The following PRAG1 variants were observed in gnomAD, a reference collection of about 807,000 sequenced individuals.
PRAG1 encodes PEAK1 related, kinase-activating pseudokinase 1, also known as inactive tyrosine-protein kinase PRAG1.
A neutral mutation model predicts 95.6 loss-of-function variants in PRAG1; 110 were observed. The observed-to-expected ratio is 1.15, with a 90% CI of 0.99 to 1.35. The LOEUF is 1.35. Ranked by LOEUF, PRAG1 falls within the 40% of genes most tolerant of loss-of-function variation. The probability of loss-of-function intolerance (pLI) is 0.00; values close to 1 mark genes in which losing one functional copy is unlikely to be tolerated. For synonymous variants in PRAG1, 1,052 were observed against 819.4 expected (o/e 1.28, Z -4.85); for missense variants, 2,554 against 1,864.7 (o/e 1.37, Z -6.81).
At chr8:8,322,510 C>A (rs961880839) in intron 5 of PRAG1, among the ~76,000 whole-genome samples, 2 of 151,954 alleles carry the variant, frequency 1.3e-5, no homozygotes, top group African/African-American at 2.4e-5. Flanking sequence ...TGAAATGGAC[C>A]CCTCCTCTCA....
intron 5 of PRAG1, among the ~76,000 whole-genome samples, chr8:8,325,128 C>T (rs1798593056): frequency 1.3e-5 from 2 of 152,342 alleles, no homozygotes; most frequent in South Asian, 4.1e-4. Context: ...AGACCCACTC[C>T]CCCTCCTGCG....
At chr8:8,362,883 T>G (rs1292286332) in intron 3 of PRAG1, among the ~76,000 whole-genome samples, 1 of 152,154 alleles carries the variant, frequency 6.6e-6, no homozygotes, top group Non-Finnish European at 1.5e-5. Context: ...AGGTAAAGAC[T>G]GTGCAGAACA....
At chr8:8,384,622 A>G (rs1225531705) in intron 1 of PRAG1, among the ~76,000 whole-genome samples, 2 of 151,904 alleles carry the variant, frequency 1.3e-5, no homozygotes, top group African/African-American at 4.8e-5. Context: ...AAAAAAAAAA[A>G]AAAAAAAAAA....
intron 5 of PRAG1, among the ~76,000 whole-genome samples, chr8:8,324,644 A>T (rs1471809453): frequency 6.6e-6 from 1 of 152,140 alleles, no homozygotes. Flanking sequence ...AGAACTTTAC[A>T]TAGACTCTTG....
chr8:8,325,490 G>A (rs538014393), intron 5 of PRAG1, among the ~76,000 whole-genome samples: 32 of 152,220 alleles, frequency 2.1e-4, no homozygotes, highest in African/African-American at 7.5e-4. Context: ...AGCAACACTT[G>A]TTTTTAACAT....
chr8:8,332,352 G>A (rs1256787382), intron 4 of PRAG1, among the ~76,000 whole-genome samples: 2 of 151,772 alleles, frequency 1.3e-5, no homozygotes, highest in South Asian at 4.2e-4. Context: ...TAGTAGAGAC[G>A]GGGTTTCACC....
At chr8:8,365,666 G>C (rs1482699446) in intron 3 of PRAG1, among the ~76,000 whole-genome samples, 2 of 151,444 alleles carry the variant, frequency 1.3e-5, no homozygotes, top group Admixed American at 1.3e-4. Flanking sequence ...AAGCCAAAGA[G>C]AATAAGGCTA....
At position 8,317,772 on chromosome 8, in the gene PRAG1, CTTCT is replaced by C; in HGVS notation, c.*378_*381del. The C allele has an allele frequency of 6.4e-6, 1 of 155,288 alleles. No individual in the cohort carries two copies. Among genetic ancestry groups the C allele is most frequent in the East Asian group, 1.8e-4 (1 of 5,422 alleles). 9.6% of individuals were successfully genotyped at this position (155,288 alleles called of 1,614,324 possible). A position where few individuals can be genotyped will look rare whatever the true frequency, so the allele number is the denominator to read the frequency against. Reference sequence around the variant, plus strand: ...CCAAAAAAAATTTTAATGGAATTTTCTTCTTTTTTTTTTTTCTTTAAATAACAAT... The same window carrying C: ...CCAAAAAAAATTTTAATGGAATTTTCTTTTTTTTTTTCTTTAAATAACAAT... On this transcript the variant is annotated 3_prime_UTR_variant, in exon 6 of 6. Transcript: ENST00000615670.
At chr8:8,348,358 C>T (rs921727297) in intron 3 of PRAG1, among the ~76,000 whole-genome samples, 8 of 152,252 alleles carry the variant, frequency 5.3e-5, no homozygotes, top group African/African-American at 1.9e-4. Flanking sequence ...TGGATTGACT[C>T]AGGTCCTCTG....
At position 8,317,959 on chromosome 8, in the gene PRAG1, T is replaced by A; in HGVS notation, c.*195A>T. 1 of 386,558 alleles carries A rather than the reference T, an allele frequency of 2.6e-6. No homozygotes were observed. 23.9% of individuals were successfully genotyped at this position (386,558 alleles called of 1,614,324 possible). ...ACTTAGTGCAGAGAGGAGACGAGTG[T>A]GGACGGGCAACAGCATCCTTAGTCT... On this transcript the variant is annotated 3_prime_UTR_variant, in exon 6 of 6. Coordinates refer to ENST00000615670, the MANE Select transcript of PRAG1 (RefSeq NM_001080826.3).
At chr8:8,364,094 C>G (rs904142782) in intron 3 of PRAG1, among the ~76,000 whole-genome samples, 1 of 152,192 alleles carries the variant, frequency 6.6e-6, no homozygotes, top group South Asian at 2.1e-4. Flanking sequence ...TGAATATATA[C>G]TCAGGAATGA....
At chr8:8,359,897 A>G (rs937642548) in intron 3 of PRAG1, among the ~76,000 whole-genome samples, 38 of 152,324 alleles carry the variant, frequency 2.5e-4, no homozygotes, top group African/African-American at 8.7e-4. Flanking sequence ...TTCAGGAATT[A>G]ATAAAAATTG....
chr8:8,383,806 G>A (rs10097659), intron 1 of PRAG1, among the ~76,000 whole-genome samples: 60,123 of 151,912 alleles, frequency 0.4, 12,457 homozygotes, highest in East Asian at 0.59. Flanking sequence ...TTCAACAAGC[G>A]GAGGAAATAG....
At chr8:8,360,785 G>C (rs563769833) in intron 3 of PRAG1, among the ~76,000 whole-genome samples, 1 of 152,282 alleles carries the variant, frequency 6.6e-6, no homozygotes, top group African/African-American at 2.4e-5. Flanking sequence ...GCCTTGGAAA[G>C]ATTTTGGGTT....
rs1299415303 is a variant in PRAG1, at chr8:8,328,337, G to A, written c.2445C>T (p.Leu815=). 1.9e-6 allele frequency: 3 copies of A among 1,613,542 alleles called. No individual in the cohort carries two copies. Among genetic ancestry groups the A allele is most frequent in the African/African-American group, 2.7e-5 (2 of 74,884 alleles). The change falls in exon 5 of 6, where the codon CTC becomes CTT. Residue 815 remains leucine, a synonymous_variant. Transcript: ENST00000615670. ...CCCGGCTCACTATCTTTTTCTGGGG[G>A]AGTGGAGGGGGCTGCTGGGGGCCAC... ...SPSGPQQPPP[L]PQKKIVSRAA...
At chr8:8,320,920 G>C (rs1038648407) in intron 5 of PRAG1, among the ~76,000 whole-genome samples, 1 of 152,186 alleles carries the variant, frequency 6.6e-6, no homozygotes, top group African/African-American at 2.4e-5. Flanking sequence ...GCTAATTGTC[G>C]GGAATGGTGG....
At chr8:8,359,197 T>A (rs1309032552) in intron 3 of PRAG1, among the ~76,000 whole-genome samples, 2 of 152,224 alleles carry the variant, frequency 1.3e-5, no homozygotes, top group Non-Finnish European at 2.9e-5. Context: ...TTTTTTATAG[T>A]TTTTCCTCTT....
At chr8:8,365,718 T>C (rs973632834) in intron 3 of PRAG1, among the ~76,000 whole-genome samples, 2 of 152,018 alleles carry the variant, frequency 1.3e-5, no homozygotes, top group African/African-American at 4.8e-5. Context: ...ATCCCAGCAC[T>C]TTGGGAGGCC....
intron 3 of PRAG1, among the ~76,000 whole-genome samples, chr8:8,368,630 A>T (rs1029745445): frequency 1.3e-5 from 2 of 152,212 alleles, no homozygotes; most frequent in African/African-American, 4.8e-5. Flanking sequence ...AAAATTTCCT[A>T]CCAATTGGTG....
Sources: allele counts gnomAD v4.1 joint callset (sites outside exome capture counted in the v4.1 genomes callset), GRCh38; gene constraint gnomAD v4.1.1; transcripts MANE v1.5; gene names NCBI Gene and HGNC (gene_info 2026-07-23, HGNC 2026-07-21).